The following TBCD variants were observed in gnomAD, a reference collection of about 807,000 sequenced individuals.
TBCD encodes the protein tubulin folding cofactor D.
A neutral mutation model predicts 169.3 loss-of-function variants in TBCD; 105 were observed. The ratio of observed to expected loss-of-function variants is 0.62; its 90% CI spans 0.53 to 0.73. The LOEUF (loss-of-function observed/expected upper bound fraction) is 0.73, where lower values mean the gene tolerates loss of function less well. Among genes scored for constraint, TBCD ranks in the 30% least tolerant of loss-of-function variants. TBCD has a pLI of 0.00. For missense variants in TBCD, 1,444 were observed against 1,600.1 expected, an observed-to-expected ratio of 0.90 and a Z score of 1.66; for synonymous variants, 700 against 643.9, an observed-to-expected ratio of 1.09 and a Z score of -1.32.
intron 11 of TBCD, among the ~76,000 whole-genome samples, chr17:82,808,982 G>C (rs2051228562): frequency 6.6e-6 from 1 of 151,898 alleles, no homozygotes; most frequent in Non-Finnish European, 1.5e-5. Context: ...GCAGGTGCTG[G>C]GGGACGGGGA....
chr17:82,926,626 G>A (rs563953607), intron 28 of TBCD, 135 bp downstream of exon 28: 21 of 716,222 alleles, frequency 2.9e-5, no homozygotes, highest in South Asian at 1.5e-4. Context: ...CCAGAGGATC[G>A]TCAGTCCCAG....
chr17:82,814,661 G>A (rs796884063), intron 12 of TBCD, among the ~76,000 whole-genome samples, 179 bp from the exon 13 acceptor site: 13 of 152,362 alleles, frequency 8.5e-5, no homozygotes, highest in Non-Finnish European at 1.3e-4. Context: ...GATTATAGGC[G>A]TGAGCCGCTG....
intron 34 of TBCD, among the ~76,000 whole-genome samples, chr17:82,933,273 C>CTTTTTTTTT (rs10639851): frequency 2.6e-5 from 3 of 114,640 alleles, no homozygotes; most frequent in East Asian, 2.7e-4. Context: ...TTGGGCCAGT[C>CTTTTTTTTT]TTTTTTTTTT....
intron 15 of TBCD, chr17:82,885,070 G>C (rs1039062092): frequency 6.6e-6 from 1 of 152,334 alleles, no homozygotes; most frequent in Non-Finnish European, 1.5e-5. Context: ...AGCTGGCTTA[G>C]TGGGAACCTG....
chr17:82,899,116 G>A (rs2059693463), intron 17 of TBCD, among the ~76,000 whole-genome samples: 1 of 152,196 alleles, frequency 6.6e-6, no homozygotes, highest in African/African-American at 2.4e-5. Context: ...TCCGCAGCGC[G>A]TGTGTCCTCA....
chr17:82,845,904 G>T lies in TBCD; in HGVS notation c.1319-24320G>T, dbSNP rs117465217. 4.9e-3 allele frequency among the ~76,000 whole-genome samples: 750 copies of T among 152,352 alleles called. 4 individuals are homozygous for T. The highest frequency in any genetic ancestry group is 8.0e-3 in the Admixed American group (122 of 15,314). On this transcript the variant is annotated intron_variant, in intron 13 of 38. Transcript: ENST00000355528. ...TTTAATCCTTTGTGTTCCTTGTGAG[G>T]TGCTGCATCCAGAGGAAAGGAGAAA...
At chr17:82,937,046 C>G (rs2062691737) in intron 34 of TBCD, among the ~76,000 whole-genome samples, 1 of 152,182 alleles carries the variant, frequency 6.6e-6, no homozygotes, top group Admixed American at 6.5e-5. Flanking sequence ...GAGCAAGAGA[C>G]AGCAGAGGCC....
intron 13 of TBCD, among the ~76,000 whole-genome samples, chr17:82,849,659 C>T (rs528558191): frequency 4.8e-4 from 73 of 152,212 alleles, no homozygotes; most frequent in Non-Finnish European, 9.6e-4. Context: ...GTGGTCGCCC[C>T]GGGGGTGGGA....
At chr17:82,877,616 A>G (rs961638110) in intron 14 of TBCD, among the ~76,000 whole-genome samples, 1 of 152,226 alleles carries the variant, frequency 6.6e-6, no homozygotes, top group African/African-American at 2.4e-5. Flanking sequence ...CTGGGATTAC[A>G]GGCGTGAGCC....
chr17:82,887,168 T>TGTGCGCGCGCGCGCGCGC, intron 15 of TBCD, among the ~76,000 whole-genome samples: 5 of 126,194 alleles, frequency 4.0e-5, no homozygotes, highest in South Asian at 2.9e-4. Context: ...TGTGTGTGTG[T>TGTGCGCGCGCGCGCGCGC]GCGCGCGCGC....
intron 12 of TBCD, among the ~76,000 whole-genome samples, chr17:82,812,788 G>T (rs893088658): frequency 2.0e-5 from 3 of 152,140 alleles, no homozygotes; most frequent in Non-Finnish European, 4.4e-5. Context: ...TGATCAGCCC[G>T]CCTCGGCCTC....
At chr17:82,851,066 T>C (rs898789711) in intron 13 of TBCD, among the ~76,000 whole-genome samples, 6 of 152,178 alleles carry the variant, frequency 3.9e-5, no homozygotes, top group Admixed American at 1.3e-4. Flanking sequence ...CTGAGGAACA[T>C]TCACAGATAT....
chr17:82,862,457 G>A (rs2056848897), intron 13 of TBCD, among the ~76,000 whole-genome samples: 1 of 151,890 alleles, frequency 6.6e-6, no homozygotes, highest in Non-Finnish European at 1.5e-5. Context: ...CGGGGGAGGT[G>A]GGAACATGGC....
At chr17:82,849,112 G>A (rs2055416611) in intron 13 of TBCD, among the ~76,000 whole-genome samples, 1 of 78,472 alleles carries the variant, frequency 1.3e-5, no homozygotes, top group South Asian at 6.6e-4. Flanking sequence ...TGCCTGCTGC[G>A]TCTTCTCCAC....
At chr17:82,807,136 G>C (rs3791159) in intron 10 of TBCD, among the ~76,000 whole-genome samples, 1 of 152,318 alleles carries the variant, frequency 6.6e-6, no homozygotes, top group South Asian at 2.1e-4. Context: ...GGCCCTCACC[G>C]TGTGACCTGA....
chr17:82,797,657 A>T lies in TBCD; in HGVS notation c.772-100A>T, dbSNP rs1235026246. ...ATTAGGTGGTGAGTGTTTAGAATAAAAATTCTGAAAGATGTGATGAATTGT... is the reference window on the plus strand; with the variant it reads ...ATTAGGTGGTGAGTGTTTAGAATAATAATTCTGAAAGATGTGATGAATTGT... On this transcript the variant is annotated intron_variant, in intron 7 of 38. Coordinates refer to ENST00000355528, the MANE Select transcript of TBCD (RefSeq NM_005993.5). The T allele has an allele frequency of 6.5e-6, 6 of 921,002 alleles. 1 individual carries two copies. In the Admixed American group the frequency reaches 1.7e-4, roughly 27 times the overall value. The allele number at this position is 921,002 out of a possible 1,614,324, so 57.1% of individuals were successfully genotyped here.
intron 13 of TBCD, among the ~76,000 whole-genome samples, chr17:82,834,514 C>T (rs776275556): frequency 6.6e-5 from 10 of 152,238 alleles, no homozygotes; most frequent in Non-Finnish European, 1.0e-4. Flanking sequence ...GGCACATATA[C>T]ACCATGGAAT....
chr17:82,758,479 G>T (rs1176598678), intron 2 of TBCD, among the ~76,000 whole-genome samples: 1 of 147,826 alleles, frequency 6.8e-6, no homozygotes, highest in African/African-American at 2.5e-5. Context: ...CATACCTCTG[G>T]GTTCAAGCGG....
chr17:82,889,632 C>G lies in TBCD; in HGVS notation c.1534-36C>G. On this transcript the variant is annotated intron_variant, in intron 15 of 38. Coordinates refer to ENST00000355528, the MANE Select transcript of TBCD (RefSeq NM_005993.5). This position sits in a 1 kb window ranked among gnomAD's most constrained non-coding sequence, Gnocchi z 5.3. The stretch of plus-strand genomic sequence containing the variant: ...GCCTCTGGTGTTGGCGGAAGCTGAC[C>G]TCGCTCACCTGCTGTGTTTGTTCTT... The G allele has an allele frequency of 1.9e-6, 3 of 1,613,778 alleles. No individual in the cohort carries two copies. Among genetic ancestry groups the G allele is most frequent in the Non-Finnish European group, 2.5e-6 (3 of 1,179,812 alleles).
Sources: allele counts gnomAD v4.1 joint callset (sites outside exome capture counted in the v4.1 genomes callset), GRCh38; gene constraint gnomAD v4.1.1; non-coding constraint Gnocchi (gnomAD v3.1); transcripts MANE v1.5; gene names NCBI Gene and HGNC (gene_info 2026-07-23, HGNC 2026-07-21).